The following ACSL1 variants were observed in gnomAD, a reference collection of about 807,000 sequenced individuals.
ACSL1 encodes the protein acyl-CoA synthetase long chain family member 1.
In ACSL1, 41 loss-of-function variants were observed where a neutral mutation model predicts 98.4. That is an observed-to-expected ratio of 0.42 (90% CI 0.32 to 0.54). ACSL1 has a LOEUF of 0.54. Among genes scored for constraint, ACSL1 ranks in the 20% least tolerant of loss-of-function variants. The pLI is 0.13. For synonymous variants in ACSL1, 316 were observed against 322.7 expected (o/e 0.98, Z 0.22); for missense variants, 734 against 883.1 (o/e 0.83, Z 2.14).
intron 4 of ACSL1, among the ~76,000 whole-genome samples, chr4:184,783,420 T>G (rs1437321339): frequency 6.6e-6 from 1 of 152,152 alleles, no homozygotes; most frequent in Non-Finnish European, 1.5e-5. Context: ...AAGGACAGCT[T>G]TGAGGGTCAG....
At chr4:184,793,194 TAAAAA>T (rs5864899) in intron 2 of ACSL1, among the ~76,000 whole-genome samples, 2 of 135,994 alleles carry the variant, frequency 1.5e-5, no homozygotes, top group African/African-American at 2.7e-5. Context: ...TGTTCCCAGT[TAAAAA>T]AAAAAAAAAA....
Position 184,825,086 on chromosome 4 carries a change from G to T in ACSL1, c.-33+830C>A. On this transcript the variant is annotated intron_variant, in intron 1 of 20. Coordinates refer to ENST00000281455, the MANE Select transcript of ACSL1 (RefSeq NM_001995.5). This position sits in a 1 kb window ranked among gnomAD's most constrained non-coding sequence, Gnocchi z 4.7. ...GCCAGGGCACTAGAGAACGCTTTTA[G>T]AATGGTCACTCTTAATTATGCTCCA... The T allele has an allele frequency of 1.2e-6, 1 of 800,204 alleles. No individual in the cohort carries two copies. The highest frequency in any genetic ancestry group is 1.5e-6 in the Non-Finnish European group (1 of 660,912). The allele number at this position is 800,204 out of a possible 1,614,324, so 49.6% of individuals were successfully genotyped here. A position where few individuals can be genotyped will look rare whatever the true frequency, so the allele number is the denominator to read the frequency against.
At chr4:184,816,816 G>A (rs1315222619) in intron 1 of ACSL1, among the ~76,000 whole-genome samples, 1 of 152,082 alleles carries the variant, frequency 6.6e-6, no homozygotes, top group Non-Finnish European at 1.5e-5. Context: ...GGTATCATGT[G>A]CAGGACAGTA....
chr4:184,824,607 G>C (rs1278351731), intron 1 of ACSL1, among the ~76,000 whole-genome samples: 1 of 152,136 alleles, frequency 6.6e-6, no homozygotes, highest in Non-Finnish European at 1.5e-5. Flanking sequence ...AAGGAGGGGG[G>C]CCTCAGACTA....
rs72695679 is a variant in ACSL1 at position 184,808,399 on chromosome 4, G to A, written c.-32-4853C>T. On this transcript the variant is annotated intron_variant, in intron 1 of 20. Transcript: ENST00000281455. ...GCTTTCATCAAGATGAATAATGGCA[G>A]TTTGATGGAATACTTCACTAGGAAT... 4.3e-3 allele frequency: 4,225 copies of A among 985,400 alleles called. 9 individuals are homozygous for A. Among genetic ancestry groups the A allele is most frequent in the Non-Finnish European group, 4.8e-3 (3,999 of 829,928 alleles). The allele number at this position is 985,400 out of a possible 1,614,324, so 61.0% of individuals were successfully genotyped here.
intron 5 of ACSL1, among the ~76,000 whole-genome samples, chr4:184,779,325 A>C (rs748060202): frequency 6.6e-6 from 1 of 152,048 alleles, no homozygotes; most frequent in Non-Finnish European, 1.5e-5. Flanking sequence ...CTTCTTCCGC[A>C]TTTTCTCTTG....
chr4:184,773,370 G>A lies in ACSL1; in HGVS notation c.842-216C>T, dbSNP rs973673492. Among the ~76,000 whole-genome samples, 7 of 152,146 alleles carry A rather than the reference G, an allele frequency of 4.6e-5. No individual in the cohort carries two copies. Among genetic ancestry groups the A allele is most frequent in the African/African-American group, 7.2e-5 (3 of 41,422 alleles). On this transcript the variant is annotated intron_variant, in intron 9 of 20. Transcript: ENST00000281455. The surrounding 1 kb of genome is among the most constrained non-coding windows in gnomAD (Gnocchi z 4.3). ...TGGGCACATTTTAAAGGGTATATAC[G>A]TAGTCATAAGAGAAGAAAAACCAGA...
rs761142829 is a variant in ACSL1 at position 184,803,498 on chromosome 4, A to G, written c.17T>C (p.Leu6Pro). The G allele has an allele frequency of 2.5e-6, 4 of 1,595,186 alleles. No individual in the cohort carries two copies. In the South Asian group the frequency reaches 4.5e-5, roughly 18 times the overall value. The change falls in exon 2 of 21, where the codon CTG (leucine) becomes CCG (proline). Residue 6 changes from leucine (L) to proline (P), a missense_variant. Transcript: ENST00000281455. The surrounding 1 kb of genome is among the most constrained non-coding windows in gnomAD (Gnocchi z 4.8). ...CTCTGGCATTCGAAAATACCGGAAC[A>G]GCTCATGGGCTTGCATTGTCCTGTG... MQAHE[L>P]FRYFRMPELV...
intron 7 of ACSL1, among the ~76,000 whole-genome samples, chr4:184,775,858 T>C (rs1189563217): frequency 6.6e-6 from 1 of 152,238 alleles, no homozygotes; most frequent in East Asian, 1.9e-4. Flanking sequence ...TCCGGCCATG[T>C]TCCTTGGATG....
At chr4:184,785,829 G>T (rs1767196019) in intron 3 of ACSL1, among the ~76,000 whole-genome samples, 1 of 152,170 alleles carries the variant, frequency 6.6e-6, no homozygotes, top group African/African-American at 2.4e-5. Context: ...GCTCCTCGAT[G>T]AATGTATATA....
intron 5 of ACSL1, among the ~76,000 whole-genome samples, chr4:184,779,239 C>T (rs1765808334): frequency 6.6e-6 from 1 of 152,108 alleles, no homozygotes; most frequent in Non-Finnish European, 1.5e-5. Flanking sequence ...ATCATGGGGG[C>T]TGGTCTTTCC....
chr4:184,767,040 G>T (rs1763719372), intron 12 of ACSL1, among the ~76,000 whole-genome samples: 1 of 152,182 alleles, frequency 6.6e-6, no homozygotes, highest in African/African-American at 2.4e-5. Flanking sequence ...CCAGCACTTT[G>T]GGAGGCTGAG....
At chr4:184,822,881 T>A (rs1773176982) in intron 1 of ACSL1, among the ~76,000 whole-genome samples, 1 of 152,234 alleles carries the variant, frequency 6.6e-6, no homozygotes, top group African/African-American at 2.4e-5. Flanking sequence ...GCATTGACAT[T>A]CAGCATTTGA....
intron 1 of ACSL1, among the ~76,000 whole-genome samples, chr4:184,804,865 A>G (rs1239373434): frequency 3.3e-5 from 5 of 152,230 alleles, no homozygotes; most frequent in African/African-American, 9.6e-5. Context: ...TCCTGAGTGC[A>G]GAACAAGTAA....
chr4:184,821,270 A>C (rs1773051798), intron 1 of ACSL1: 2 of 358,298 alleles, frequency 5.6e-6, no homozygotes, highest in Non-Finnish European at 1.1e-5. Context: ...GCACTTTCTC[A>C]TGACTCTGCT....
chr4:184,804,575 C>T (rs72695676), intron 1 of ACSL1, among the ~76,000 whole-genome samples: 2 of 148,818 alleles, frequency 1.3e-5, no homozygotes, highest in Non-Finnish European at 3.0e-5. Context: ...AGTGAGACCC[C>T]GTCTCAAAAA....
intron 18 of ACSL1, chr4:184,758,906 C>G (rs957205781): frequency 3.4e-5 from 4 of 118,684 alleles, no homozygotes; most frequent in South Asian, 3.5e-4. Flanking sequence ...TCCCTCCCCC[C>G]ACCCCACAAC....
intron 14 of ACSL1, 98 bp downstream of exon 14, chr4:184,765,793 G>T: frequency 2.1e-6 from 2 of 935,590 alleles, no homozygotes; most frequent in Non-Finnish European, 1.6e-6. Flanking sequence ...AATTAAGAAA[G>T]AACACACACA....
intron 10 of ACSL1, among the ~76,000 whole-genome samples, chr4:184,771,286 A>T (rs1430056750): frequency 6.6e-6 from 1 of 152,218 alleles, no homozygotes; most frequent in East Asian, 1.9e-4. Context: ...TCACTACAGT[A>T]TCCTAGTACC....
Sources: allele counts gnomAD v4.1 joint callset (sites outside exome capture counted in the v4.1 genomes callset), GRCh38; gene constraint gnomAD v4.1.1; non-coding constraint Gnocchi (gnomAD v3.1); transcripts MANE v1.5; gene names NCBI Gene and HGNC (gene_info 2026-07-23, HGNC 2026-07-21).